NSD1: variants seen among roughly 807,000 people sequenced by gnomAD.
NSD1 encodes the protein nuclear receptor binding SET domain protein 1.
A neutral mutation model predicts 242.7 loss-of-function variants in NSD1; 26 were observed. That is an observed-to-expected ratio of 0.11 (90% CI 0.08 to 0.15). The LOEUF is 0.15. Among genes scored for constraint, NSD1 ranks in the 10% least tolerant of loss-of-function variants. The probability of loss-of-function intolerance (pLI) is 1.00; values close to 1 mark genes in which losing one functional copy is unlikely to be tolerated. For synonymous variants in NSD1, 1,106 were observed against 1,178.1 expected, an observed-to-expected ratio of 0.94 and a Z score of 1.25; for missense variants, 2,495 against 3,272.8, an observed-to-expected ratio of 0.76 and a Z score of 5.80.
intron 5 of NSD1, among the ~76,000 whole-genome samples, chr5:177,213,341 A>G (rs929780446): frequency 6.6e-6 from 1 of 152,224 alleles, no homozygotes. Context: ...TCAGCTTTTA[A>G]CGTTTTTAAT....
intron 2 of NSD1, among the ~76,000 whole-genome samples, chr5:177,161,602 T>A (rs1457876476): frequency 1.3e-5 from 2 of 152,124 alleles, no homozygotes; most frequent in Admixed American, 1.3e-4. Flanking sequence ...TGCAAACGAT[T>A]GAAATTATAT....
intron 2 of NSD1, among the ~76,000 whole-genome samples, chr5:177,152,725 A>C (rs566302295): frequency 6.6e-6 from 1 of 150,942 alleles, no homozygotes; most frequent in African/African-American, 2.4e-5. Flanking sequence ...CTGCTTCCCA[A>C]AGTGCTGGGA....
In NSD1 at chr5:177,248,226, G is replaced by A. The variant is rs1427625230; in HGVS notation, c.4543G>A (p.Val1515Ile). 4 of 1,614,038 alleles carry A rather than the reference G, an allele frequency of 2.5e-6. No individual in the cohort carries two copies. Among genetic ancestry groups the A allele is most frequent in the Non-Finnish European group, 2.5e-6 (3 of 1,180,018 alleles). ...GACGGCCACAAGCCCCAAGGAGACT[G>A]TTGAGGAAGGTGTAGAACACGATCC... ...HRTATSPKET[V>I]EEGVEHDPGM... Residue 1515 changes from valine (V) to isoleucine (I), a missense_variant, in exon 11 of 23, where the codon GTT (valine) becomes ATT (isoleucine). This residue lies in a region of NSD1 where 97 missense variants were observed against 97.7 expected (regional missense o/e 0.99). Transcript: ENST00000439151.
rs1326264546 is a variant in NSD1 at position 177,211,229 on chromosome 5, T to C, written c.2830T>C (p.Cys944Arg). The C allele has an allele frequency of 6.2e-7, 1 of 1,614,050 alleles. No individual in the cohort carries two copies. Among genetic ancestry groups the C allele is most frequent in the Non-Finnish European group, 8.5e-7 (1 of 1,179,968 alleles). ...TTACCGGAGTCCTGGTCGTGGGGAC[T>C]GTTCTACTAATAGTCCTGTAGGAGT... is the stretch of plus-strand genomic sequence containing the variant. ...VSYRSPGRGD[C>R]STNSPVGVSK... is the part of the protein sequence containing the mutation. Residue 944 changes from cysteine (C) to arginine (R), a missense_variant, in exon 5 of 23, where the codon TGT (cysteine) becomes CGT (arginine). This residue lies in a region of NSD1 where 121 missense variants were observed against 167.2 expected (regional missense o/e 0.72). Transcript: ENST00000439151.
intron 9 of NSD1, among the ~76,000 whole-genome samples, chr5:177,244,998 G>C (rs1001751730): frequency 2.6e-5 from 4 of 152,120 alleles, no homozygotes; most frequent in Admixed American, 2.6e-4. Flanking sequence ...ATGACTTGAG[G>C]CCAGGTGTTC....
At chr5:177,259,497 T>C (rs1756814794) in intron 13 of NSD1, among the ~76,000 whole-genome samples, 1 of 152,208 alleles carries the variant, frequency 6.6e-6, no homozygotes, top group East Asian at 1.9e-4. Context: ...AGAGTTGCAG[T>C]TGGCTACCTT....
intron 9 of NSD1, 80 bp downstream of exon 9, chr5:177,244,350 C>A (rs1766113756): frequency 2.9e-6 from 3 of 1,021,422 alleles, no homozygotes; most frequent in East Asian, 4.9e-5. Context: ...AAAATTGTTA[C>A]ATGTGTAAGC....
At chr5:177,143,973 T>C (rs1274286560) in intron 2 of NSD1, among the ~76,000 whole-genome samples, 2 of 151,744 alleles carry the variant, frequency 1.3e-5, no homozygotes, top group Admixed American at 6.6e-5. Context: ...TTAGTAGAGA[T>C]GGGGTTCACC....
At chr5:177,224,713 A>T (rs1764505968) in intron 5 of NSD1, among the ~76,000 whole-genome samples, 1 of 150,626 alleles carries the variant, frequency 6.6e-6, no homozygotes, top group Non-Finnish European at 1.5e-5. Flanking sequence ...TAGAGCCTCC[A>T]GTGTGATGCG....
At position 177,295,864 on chromosome 5, in the gene NSD1, G is replaced by T; in HGVS notation, c.*405G>T. On this transcript the variant is annotated 3_prime_UTR_variant, in exon 23 of 23. Coordinates refer to ENST00000439151, the MANE Select transcript of NSD1 (RefSeq NM_022455.5). This position sits in a 1 kb window ranked among gnomAD's most constrained non-coding sequence, Gnocchi z 4.3. ...CCATTGAGGGCACCTAGGAACCCTT[G>T]GGAGGAAATGGTGTTCTTTCAAATC... 2.6e-6 allele frequency: 1 copy of T among 389,434 alleles called. No individual in the cohort carries two copies. Among genetic ancestry groups the T allele is most frequent in the Non-Finnish European group, 4.8e-6 (1 of 209,472 alleles). 24.1% of individuals were successfully genotyped at this position (389,434 alleles called of 1,614,324 possible).
In NSD1 at chr5:177,210,739, G is replaced by A. The variant is rs766703389; in HGVS notation, c.2340G>A (p.Ser780=). The A allele has an allele frequency of 4.2e-5, 68 of 1,614,000 alleles. No homozygotes were observed. The highest frequency in any genetic ancestry group is 1.6e-4 in the South Asian group (15 of 91,080). The change falls in exon 5 of 23, where the codon TCG becomes TCA. Residue 780 remains serine (S), a synonymous_variant. Transcript: ENST00000439151. ...GGAANQALLH[S]KSKQPKFRSI... ...CAGCAAATCAAGCTCTATTACATTC[G>A]AAAAGCAAACAGCCCAAGTTCCGAA... is the stretch of plus-strand genomic sequence containing the variant.
At chr5:177,158,998 TTATATATATATA>T (rs10564918) in intron 2 of NSD1, among the ~76,000 whole-genome samples, 30 of 122,566 alleles carry the variant, frequency 2.4e-4, no homozygotes, top group African/African-American at 7.6e-4. Context: ...ATGAATGATT[TTATATATATATA>T]TATATATATA....
chr5:177,141,319 CT>C (rs567992731), intron 2 of NSD1, among the ~76,000 whole-genome samples: 551 of 96,998 alleles, frequency 5.7e-3, no homozygotes, highest in African/African-American at 0.018. Context: ...CGCGCGCAGC[CT>C]TTTTTTTTTT....
chr5:177,237,531 C>CTTTTTTT (rs35657331), intron 6 of NSD1, among the ~76,000 whole-genome samples: 2 of 123,154 alleles, frequency 1.6e-5, no homozygotes, highest in African/African-American at 3.2e-5. Flanking sequence ...ATTATTTTAT[C>CTTTTTTT]TTTTTTTTTT....
intron 3 of NSD1, among the ~76,000 whole-genome samples, chr5:177,203,600 C>T (rs533142666): frequency 2.6e-5 from 4 of 152,196 alleles, no homozygotes; most frequent in Non-Finnish European, 5.9e-5. Context: ...CCATGCAAAG[C>T]ACCTTGTGTG....
chr5:177,150,283 G>A (rs1445032618), intron 2 of NSD1, among the ~76,000 whole-genome samples: 3 of 151,972 alleles, frequency 2.0e-5, no homozygotes, highest in Admixed American at 6.6e-5. Context: ...ACAGGCACCC[G>A]CCACGACGCC....
intron 12 of NSD1, among the ~76,000 whole-genome samples, chr5:177,254,934 A>G (rs529147005): frequency 1.3e-5 from 2 of 152,220 alleles, no homozygotes; most frequent in African/African-American, 4.8e-5. Flanking sequence ...GTTTTGGTAC[A>G]GTGTAAGAAA....
chr5:177,158,879 T>C (rs903119340), intron 2 of NSD1, among the ~76,000 whole-genome samples: 3 of 146,118 alleles, frequency 2.1e-5, no homozygotes, highest in Non-Finnish European at 3.0e-5. Flanking sequence ...CCAACTTAAA[T>C]ATTTAGATCT....
intron 2 of NSD1, among the ~76,000 whole-genome samples, chr5:177,151,387 T>C (rs904219722): frequency 6.6e-6 from 1 of 151,948 alleles, no homozygotes; most frequent in African/African-American, 2.4e-5. Flanking sequence ...CAGTCTTTTT[T>C]ATTTTTATTT....
Sources: allele counts gnomAD v4.1 joint callset (sites outside exome capture counted in the v4.1 genomes callset), GRCh38; gene constraint gnomAD v4.1.1; regional missense constraint gnomAD v4.1.1; non-coding constraint Gnocchi (gnomAD v3.1); transcripts MANE v1.5; gene names NCBI Gene and HGNC (gene_info 2026-07-23, HGNC 2026-07-21).